CNTNAP2: variants seen among roughly 807,000 people sequenced by gnomAD.
CNTNAP2 encodes the protein contactin-associated protein-like 2.
In CNTNAP2, 98 loss-of-function variants were observed where a neutral mutation model predicts 155.2. That is an observed-to-expected ratio of 0.63 (90% CI 0.54 to 0.75). The LOEUF is 0.75. CNTNAP2 is among the 30% of genes least tolerant of loss of function. CNTNAP2 has a pLI of 0.00. For missense variants in CNTNAP2, 1,727 were observed against 1,688.1 expected (o/e 1.02, Z -0.40); for synonymous variants, 651 against 631.2 (o/e 1.03, Z -0.47).
At chr7:146,784,332 C>T (rs1420860738) in intron 2 of CNTNAP2, among the ~76,000 whole-genome samples, 1 of 152,138 alleles carries the variant, frequency 6.6e-6, no homozygotes, top group African/African-American at 2.4e-5. Flanking sequence ...CTCTTTAGAT[C>T]ACAACATTAA....
intron 9 of CNTNAP2, among the ~76,000 whole-genome samples, chr7:147,364,624 C>A (rs144427360): frequency 7.0e-4 from 106 of 152,188 alleles, no homozygotes; most frequent in African/African-American, 2.4e-3. Context: ...TCCTAACCAG[C>A]GGATCACAAG....
At chr7:147,891,685 G>A (rs1799697104) in intron 13 of CNTNAP2, among the ~76,000 whole-genome samples, 1 of 151,658 alleles carries the variant, frequency 6.6e-6, no homozygotes, top group African/African-American at 2.4e-5. Context: ...ACATCTACCT[G>A]GAATATAACA....
intron 3 of CNTNAP2, among the ~76,000 whole-genome samples, chr7:146,958,295 A>T (rs10248624): frequency 0.071 from 10,798 of 152,226 alleles, 583 homozygotes; most frequent in African/African-American, 0.15. Context: ...CATGTTTGAG[A>T]ACATACTTTT....
intron 15 of CNTNAP2, among the ~76,000 whole-genome samples, chr7:147,991,957 C>T (rs2214682): frequency 0.62 from 93,698 of 151,910 alleles, 30,440 homozygotes; most frequent in East Asian, 0.83. Flanking sequence ...GGGAACTTTA[C>T]TGAAGAAAAC....
intron 8 of CNTNAP2, among the ~76,000 whole-genome samples, chr7:147,267,766 CTGA>C (rs1804647583): frequency 6.6e-6 from 1 of 152,142 alleles, no homozygotes; most frequent in South Asian, 2.1e-4. Context: ...TCTCATAAAA[CTGA>C]TATGTGTTGA....
At position 147,406,162 on chromosome 7, in the gene CNTNAP2, G is replaced by T. The variant is rs921297701; in HGVS notation, c.1670+10382G>T. On this transcript the variant is annotated intron_variant, in intron 10 of 23. Transcript: ENST00000361727. The stretch of plus-strand genomic sequence containing the variant: ...TTTCTTTTTGCTTTCTCTTTTTGAG[G>T]AGTCTTTGCATTCCAAATACAGAGA... Among the ~76,000 whole-genome samples the T allele has an allele frequency of 5.9e-5, 9 of 151,892 alleles. No individual in the cohort carries two copies. In the East Asian group the frequency reaches 1.7e-3, roughly 29 times the overall value.
Position 146,760,409 on chromosome 7 carries a change from CTTTTTTTTTTTTTTT to C in CNTNAP2, c.98-13843_98-13829del, listed in dbSNP as rs532820418. Among the ~76,000 whole-genome samples the C allele has an allele frequency of 2.8e-4, 16 of 56,304 alleles. No homozygotes were observed. The East Asian group carries it at 8.0e-3, about 28-fold the overall frequency. 36.9% of individuals were successfully genotyped at this position (56,304 alleles called of 152,430 possible). The stretch of plus-strand genomic sequence containing the variant: ...CACCTCTGTATCATCTCCAATTTAC[CTTTTTTTTTTTTTTT>C]TTTTTTTTTTTTTTTTTTGAGACAG... On this transcript the variant is annotated intron_variant, in intron 1 of 23. Coordinates refer to ENST00000361727, the MANE Select transcript of CNTNAP2 (RefSeq NM_014141.6).
chr7:147,389,311 T>C (rs921303812), intron 9 of CNTNAP2, among the ~76,000 whole-genome samples: 1 of 152,170 alleles, frequency 6.6e-6, no homozygotes, highest in African/African-American at 2.4e-5. Flanking sequence ...CCAGCCTCCC[T>C]TGGACCTCCC....
chr7:147,061,867 G>A lies in CNTNAP2; in HGVS notation c.550+17813G>A, dbSNP rs137865937. ...AACAGTTCTTTGGCCGGGCACGGTG[G>A]CTCACGCCTGTAATCCCAGCACTTT... On this transcript the variant is annotated intron_variant, in intron 4 of 23. Transcript: ENST00000361727. 7.2e-3 allele frequency among the ~76,000 whole-genome samples: 1,103 copies of A among 152,188 alleles called. 10 individuals are homozygous for A. The highest frequency in any genetic ancestry group is 0.012 in the Non-Finnish European group (797 of 68,006).
chr7:146,194,165 A>G (rs1450786335), intron 1 of CNTNAP2, among the ~76,000 whole-genome samples: 1 of 152,182 alleles, frequency 6.6e-6, no homozygotes, highest in Non-Finnish European at 1.5e-5. Context: ...TCTGCCTGTT[A>G]CTGAATTCCA....
chr7:146,336,234 T>A (rs1801272699), intron 1 of CNTNAP2, among the ~76,000 whole-genome samples: 3 of 151,714 alleles, frequency 2.0e-5, no homozygotes, highest in Non-Finnish European at 1.5e-5. Flanking sequence ...ATGTAAATAT[T>A]TATCTATAGT....
intron 22 of CNTNAP2, among the ~76,000 whole-genome samples, chr7:148,386,782 G>A (rs899833566): frequency 1.3e-5 from 2 of 152,138 alleles, no homozygotes; most frequent in South Asian, 4.1e-4. Context: ...AGATTAACAG[G>A]TGGGCAGGGG....
At chr7:147,751,589 G>C (rs187373331) in intron 13 of CNTNAP2, among the ~76,000 whole-genome samples, 286 of 152,306 alleles carry the variant, frequency 1.9e-3, no homozygotes, top group Middle Eastern at 6.8e-3. Context: ...CCAAGATCAA[G>C]AGCCAGAATA....
At chr7:146,248,095 A>G (rs987293377) in intron 1 of CNTNAP2, among the ~76,000 whole-genome samples, 1 of 148,210 alleles carries the variant, frequency 6.7e-6, no homozygotes, top group African/African-American at 2.6e-5. Flanking sequence ...CATGGAAATA[A>G]GGGGTCGGGG....
intron 1 of CNTNAP2, among the ~76,000 whole-genome samples, chr7:146,546,337 T>G (rs1055942540): frequency 1.3e-5 from 2 of 152,006 alleles, no homozygotes; most frequent in African/African-American, 2.4e-5. Context: ...TTTTCTAGAA[T>G]GCAAAGATTG....
intron 4 of CNTNAP2, among the ~76,000 whole-genome samples, chr7:147,094,166 A>T (rs1800473646): frequency 6.6e-6 from 1 of 151,880 alleles, no homozygotes; most frequent in Non-Finnish European, 1.5e-5. Flanking sequence ...GCAGAGCAAC[A>T]GATCTCTTCC....
At chr7:146,810,721 A>G (rs1240749745) in intron 2 of CNTNAP2, among the ~76,000 whole-genome samples, 1 of 152,070 alleles carries the variant, frequency 6.6e-6, no homozygotes, top group Non-Finnish European at 1.5e-5. Context: ...TCTTAATCTT[A>G]GAGAAAACGA....
chr7:147,182,388 G>A (rs1445770407), intron 8 of CNTNAP2, among the ~76,000 whole-genome samples: 2 of 151,850 alleles, frequency 1.3e-5, no homozygotes, highest in Non-Finnish European at 2.9e-5. Flanking sequence ...TATAGATGCT[G>A]GAGTAATTAC....
chr7:147,790,279 G>A (rs577113168), intron 13 of CNTNAP2, among the ~76,000 whole-genome samples: 16 of 152,106 alleles, frequency 1.1e-4, no homozygotes, highest in East Asian at 1.9e-4. Flanking sequence ...ATCACTATCC[G>A]AAAGTATTGA....
Sources: gnomAD v4.1 joint callset for allele counts (sites outside exome capture counted in the v4.1 genomes callset) on GRCh38, gnomAD v4.1.1 for gene constraint, MANE v1.5 for transcripts, NCBI Gene and HGNC (gene_info 2026-07-23, HGNC 2026-07-21) for gene names.